The following WWOX variants were observed in gnomAD, a reference collection of about 807,000 sequenced individuals.
WWOX encodes WW domain-containing oxidoreductase.
WWOX carries 69 observed loss-of-function variants against 46.2 expected under a neutral mutation model. The observed-to-expected ratio is 1.49, with a 90% CI of 1.23 to 1.82. The LOEUF (loss-of-function observed/expected upper bound fraction) is 1.82. WWOX is among the 40% of genes most tolerant of loss of function. The pLI, the probability that WWOX is intolerant of heterozygous loss-of-function variation, is 0.00. For synonymous variants in WWOX, 359 were observed against 202.6 expected (o/e 1.77, Z -6.56); for missense variants, 919 against 542.6 (o/e 1.69, Z -6.89).
At chr16:79,031,462 G>A (rs1055951312) in intron 8 of WWOX, among the ~76,000 whole-genome samples, 4 of 151,644 alleles carry the variant, frequency 2.6e-5, no homozygotes, top group South Asian at 2.1e-4. Flanking sequence ...CTCAATTTTT[G>A]TGGGTCCATG....
rs147926337 is a variant in WWOX, at chr16:78,720,651, A to G, written c.1056+287899A>G. ...TTCACATTCTTGACCCTTGAATTGA[A>G]TATGAGGCTCTGACTATATAACAGA... On this transcript the variant is annotated intron_variant, in intron 8 of 8. Coordinates refer to ENST00000566780, the MANE Select transcript of WWOX (RefSeq NM_016373.4). 1.4e-4 allele frequency among the ~76,000 whole-genome samples: 21 copies of G among 152,230 alleles called. No individual in the cohort carries two copies. The East Asian group carries it at 4.1e-3, about 30-fold the overall frequency.
At position 78,646,996 on chromosome 16, in the gene WWOX, C is replaced by A. The variant is rs150721630; in HGVS notation, c.1056+214244C>A. On this transcript the variant is annotated intron_variant, in intron 8 of 8. Transcript: ENST00000566780. ...GTAACTGGCTCAGACTCTGCTGGGC[C>A]CAGATATACAGATGTCATCAAGAGT... Among the ~76,000 whole-genome samples, 779 of 152,172 alleles carry A rather than the reference C, an allele frequency of 5.1e-3. 6 individuals are homozygous for A. Among genetic ancestry groups the A allele is most frequent in the African/African-American group, 0.018 (755 of 41,508 alleles).
intron 8 of WWOX, among the ~76,000 whole-genome samples, chr16:78,583,524 T>G (rs2045115814): frequency 1.3e-5 from 2 of 152,210 alleles, no homozygotes; most frequent in Admixed American, 1.3e-4. Context: ...TGTGGGATTG[T>G]AGGTTTTGTG....
intron 5 of WWOX, among the ~76,000 whole-genome samples, chr16:78,360,093 A>T (rs55674426): frequency 0.058 from 8,868 of 152,268 alleles, 341 homozygotes; most frequent in Middle Eastern, 0.12. Context: ...TTTTCCCCCA[A>T]AAGAAAAACA....
At chr16:79,108,376 A>C (rs146137704) in intron 8 of WWOX, among the ~76,000 whole-genome samples, 71 of 152,332 alleles carry the variant, frequency 4.7e-4, no homozygotes, top group African/African-American at 1.7e-3. Context: ...CCACACATCC[A>C]TGCATTTTTC....
chr16:78,453,022 C>T lies in WWOX; in HGVS notation c.1056+20270C>T, dbSNP rs376037848. On this transcript the variant is annotated intron_variant, in intron 8 of 8. Transcript: ENST00000566780. ...TCAGCCTCCCGAGTAGCTGGGATTA[C>T]AGGCACCTGCCTTCATGCCTGGATA... Among the ~76,000 whole-genome samples, 13 of 151,344 alleles carry T rather than the reference C, an allele frequency of 8.6e-5. No individual in the cohort carries two copies. The South Asian group carries it at 2.1e-3, about 25-fold the overall frequency.
intron 5 of WWOX, among the ~76,000 whole-genome samples, chr16:78,313,030 C>G (rs2080279077): frequency 7.0e-6 from 1 of 142,648 alleles, no homozygotes; most frequent in Non-Finnish European, 1.5e-5. Flanking sequence ...GATTTGTGTC[C>G]TACTAACACC....
chr16:78,887,849 G>T (rs554360970), intron 8 of WWOX, among the ~76,000 whole-genome samples: 1 of 152,170 alleles, frequency 6.6e-6, no homozygotes. Context: ...GTGTTTAACA[G>T]TAATTGGTTC....
At chr16:78,580,531 A>T (rs1244600875) in intron 8 of WWOX, among the ~76,000 whole-genome samples, 1 of 152,208 alleles carries the variant, frequency 6.6e-6, no homozygotes, top group African/African-American at 2.4e-5. Flanking sequence ...CATCACGAAC[A>T]AATTGCCAAA....
intron 8 of WWOX, among the ~76,000 whole-genome samples, chr16:78,901,077 C>G (rs1389029838): frequency 6.6e-6 from 1 of 152,196 alleles, no homozygotes; most frequent in East Asian, 1.9e-4. Context: ...AGTTTGCACA[C>G]ATCTAGAAGT....
intron 8 of WWOX, among the ~76,000 whole-genome samples, chr16:78,663,103 A>G (rs1156674472): frequency 6.6e-6 from 1 of 152,188 alleles, no homozygotes; most frequent in Non-Finnish European, 1.5e-5. Context: ...ATCTAATTTC[A>G]GAACATTTTT....
chr16:78,934,424 A>T (rs776042267), intron 8 of WWOX, among the ~76,000 whole-genome samples: 7 of 148,230 alleles, frequency 4.7e-5, no homozygotes, highest in Non-Finnish European at 1.0e-4. Context: ...CAGGAGGATC[A>T]CTTGAGTCCA....
At chr16:79,143,583 GT>G (rs1238211979) in intron 8 of WWOX, among the ~76,000 whole-genome samples, 1 of 152,132 alleles carries the variant, frequency 6.6e-6, no homozygotes, top group Non-Finnish European at 1.5e-5. Flanking sequence ...AGAAAAAATA[GT>G]TTTAGGGATG....
chr16:78,144,206 G>C (rs1445453947), intron 4 of WWOX, among the ~76,000 whole-genome samples: 1 of 151,646 alleles, frequency 6.6e-6, no homozygotes, highest in Non-Finnish European at 1.5e-5. Flanking sequence ...GTTTTCGGTA[G>C]TGGCTGGGGC....
intron 8 of WWOX, among the ~76,000 whole-genome samples, chr16:78,492,347 C>T (rs981142340): frequency 1.3e-5 from 2 of 152,188 alleles, no homozygotes; most frequent in Non-Finnish European, 2.9e-5. Flanking sequence ...TAAGTTGACC[C>T]ATGACATCGT....
chr16:78,856,359 C>G (rs942005827), intron 8 of WWOX, among the ~76,000 whole-genome samples: 2 of 152,130 alleles, frequency 1.3e-5, no homozygotes, highest in African/African-American at 4.8e-5. Context: ...TTGAATAGAT[C>G]TAGCCTGGCA....
chr16:78,332,185 TTTTTGCC>T (rs2080774302), intron 5 of WWOX, among the ~76,000 whole-genome samples: 1 of 152,132 alleles, frequency 6.6e-6, no homozygotes, highest in Non-Finnish European at 1.5e-5. Context: ...CCCCAAGCCT[TTTTTGCC>T]ATCTCTTTTT....
chr16:79,210,960 A>G (rs2051715496), intron 8 of WWOX, among the ~76,000 whole-genome samples: 1 of 152,140 alleles, frequency 6.6e-6, no homozygotes, highest in Non-Finnish European at 1.5e-5. Context: ...TATGACATTT[A>G]GAAAAAGGTT....
At chr16:78,802,697 C>T (rs1444171016) in intron 8 of WWOX, among the ~76,000 whole-genome samples, 2 of 151,698 alleles carry the variant, frequency 1.3e-5, no homozygotes, top group Non-Finnish European at 2.9e-5. Context: ...AGGCAGATTA[C>T]TTGAGGTCAG....
Sources: allele counts gnomAD v4.1 joint callset (sites outside exome capture counted in the v4.1 genomes callset), GRCh38; gene constraint gnomAD v4.1.1; transcripts MANE v1.5; gene names NCBI Gene and HGNC (gene_info 2026-07-23, HGNC 2026-07-21).